Variants in SRC observed in about 807,000 individuals in gnomAD.
SRC encodes the protein SRC proto-oncogene, non-receptor tyrosine kinase.
A neutral mutation model predicts 62.9 loss-of-function variants in SRC; 13 were observed. The observed-to-expected ratio is 0.21, with a 90% CI of 0.13 to 0.33. The LOEUF is 0.33. Among genes scored for constraint, SRC ranks in the 10% least tolerant of loss-of-function variants. SRC has a pLI of 1.00. For missense variants in SRC, 457 were observed against 737.3 expected, an observed-to-expected ratio of 0.62 and a Z score of 4.40; for synonymous variants, 302 against 317.5, an observed-to-expected ratio of 0.95 and a Z score of 0.52.
intron 5 of SRC, 77 bp from the exon 6 acceptor site, chr20:37,393,818 C>A: frequency 8.8e-7 from 1 of 1,137,232 alleles, no homozygotes. Context: ...GAGCACAGCA[C>A]CTAGGAGGAT....
At chr20:37,400,062 T>G in intron 9 of SRC, 53 bp from the exon 10 acceptor site, 1 of 1,509,566 alleles carries the variant, frequency 6.6e-7, no homozygotes, top group South Asian at 1.3e-5. Flanking sequence ...TGGATCCCTG[T>G]GTGGTAGGAG....
intron 5 of SRC, chr20:37,393,681 C>A (rs903225477): frequency 3.6e-6 from 2 of 560,814 alleles, no homozygotes; most frequent in Non-Finnish European, 6.4e-6. Context: ...TCCATCTGAT[C>A]CAGCTTTGGC....
chr20:37,373,400 TATATACGC>T (rs2070223486), intron 2 of SRC, among the ~76,000 whole-genome samples: 1 of 151,330 alleles, frequency 6.6e-6, no homozygotes, highest in African/African-American at 2.4e-5. Flanking sequence ...TATATGCGTA[TATATACGC>T]ATATATACGC....
chr20:37,380,298 A>G (rs1323590797), intron 2 of SRC, among the ~76,000 whole-genome samples: 4 of 152,028 alleles, frequency 2.6e-5, no homozygotes, highest in Non-Finnish European at 5.9e-5. Flanking sequence ...GGGGCCTGTG[A>G]GTTTCAGCCC....
intron 1 of SRC, among the ~76,000 whole-genome samples, chr20:37,358,006 G>A (rs1053966541): frequency 6.6e-6 from 1 of 152,222 alleles, no homozygotes; most frequent in Non-Finnish European, 1.5e-5. Flanking sequence ...CCCCTGTGAC[G>A]ACTTTGGCCT....
At chr20:37,389,483 C>T (rs2070511157) in intron 5 of SRC, among the ~76,000 whole-genome samples, 1 of 152,196 alleles carries the variant, frequency 6.6e-6, no homozygotes, top group South Asian at 2.1e-4. Flanking sequence ...TGGCTTCACC[C>T]CTGCCTCGCT....
In SRC at chr20:37,384,586, C is replaced by T; in HGVS notation, c.250+183C>T. Among the ~76,000 whole-genome samples the T allele has an allele frequency of 6.6e-6, 1 of 151,836 alleles. No homozygotes were observed. The highest frequency in any genetic ancestry group is 1.5e-5 in the Non-Finnish European group (1 of 67,974). On this transcript the variant is annotated intron_variant, in intron 4 of 13. Transcript: ENST00000373578. The surrounding 1 kb of genome is among the most constrained non-coding windows in gnomAD (Gnocchi z 6.7). ...CCGTACACACTGTGAAGCGTCCGCGCCGCCGCCGCTGGCTTTGGGGTGGAG... is the reference window on the plus strand; with the variant it reads ...CCGTACACACTGTGAAGCGTCCGCGTCGCCGCCGCTGGCTTTGGGGTGGAG...
intron 7 of SRC, among the ~76,000 whole-genome samples, chr20:37,395,527 G>T (rs544077167): frequency 7.9e-5 from 12 of 152,338 alleles, no homozygotes; most frequent in African/African-American, 2.9e-4. Context: ...AAAGAGGGGA[G>T]GCACCAGGGC....
intron 1 of SRC, among the ~76,000 whole-genome samples, chr20:37,360,751 A>G (rs1175853426): frequency 4.6e-5 from 7 of 152,194 alleles, no homozygotes; most frequent in Admixed American, 4.6e-4. Context: ...CTTTTGACTG[A>G]TAGCAAACAC....
At chr20:37,366,122 A>T (rs1197756107) in intron 2 of SRC, among the ~76,000 whole-genome samples, 2 of 152,192 alleles carry the variant, frequency 1.3e-5, no homozygotes, top group African/African-American at 4.8e-5. Flanking sequence ...ACAAATGAAT[A>T]TCCTCAATCA....
At chr20:37,352,405 G>A (rs914626769) in intron 1 of SRC, among the ~76,000 whole-genome samples, 4 of 152,206 alleles carry the variant, frequency 2.6e-5, no homozygotes, top group Admixed American at 6.5e-5. Flanking sequence ...TGTTCTGTGG[G>A]GAAGGGAGTG....
At chr20:37,395,359 G>A (rs2070627185) in intron 7 of SRC, among the ~76,000 whole-genome samples, 1 of 152,234 alleles carries the variant, frequency 6.6e-6, no homozygotes, top group South Asian at 2.1e-4. Context: ...CCAGGCTCCT[G>A]AGAAGGCCTG....
Position 37,403,615 on chromosome 20 carries a change from C to T in SRC, c.*236C>T, listed in dbSNP as rs1428770186. The stretch of plus-strand genomic sequence containing the variant: ...TGACTCTGTCCAGCTCCCGCTGTGG[C>T]CGCACGCCTCTCCCTGCACTCCCTC... On this transcript the variant is annotated 3_prime_UTR_variant, in exon 14 of 14. Coordinates refer to ENST00000373578, the MANE Select transcript of SRC (RefSeq NM_198291.3). This position sits in a 1 kb window ranked among gnomAD's most constrained non-coding sequence, Gnocchi z 7.1. 2 of 560,140 alleles carry T rather than the reference C, an allele frequency of 3.6e-6. No homozygotes were observed. The highest frequency in any genetic ancestry group is 6.4e-6 in the Non-Finnish European group (2 of 312,480). The allele number at this position is 560,140 out of a possible 1,614,324, so 34.7% of individuals were successfully genotyped here.
chr20:37,402,762 C>T lies in SRC; in HGVS notation c.1284C>T (p.Pro428=), dbSNP rs778792434. Residue 428 remains proline, a synonymous_variant, in exon 13 of 14, where the codon CCC becomes CCT. Coordinates refer to ENST00000373578, the MANE Select transcript of SRC (RefSeq NM_198291.3). This position sits in a 1 kb window ranked among gnomAD's most constrained non-coding sequence, Gnocchi z 6.2. ...TCGTTCCTGCAGGTGCCAAATTCCC[C>T]ATCAAGTGGACGGCTCCAGAAGCTG... ...EYTARQGAKF[P]IKWTAPEAAL... The T allele has an allele frequency of 6.2e-6, 10 of 1,612,508 alleles. 1 individual carries two copies. In the South Asian group the frequency reaches 6.6e-5, roughly 11 times the overall value.
At chr20:37,391,009 T>G (rs2070538756) in intron 5 of SRC, among the ~76,000 whole-genome samples, 2 of 152,180 alleles carry the variant, frequency 1.3e-5, no homozygotes, top group Non-Finnish European at 2.9e-5. Context: ...GTGGGCTGAC[T>G]CTGGGGAGCT....
chr20:37,358,496 T>C (rs1316113852), intron 1 of SRC, among the ~76,000 whole-genome samples: 1 of 152,220 alleles, frequency 6.6e-6, no homozygotes, highest in African/African-American at 2.4e-5. Context: ...AGGGTTTCCG[T>C]ACCGGGTGGT....
chr20:37,357,494 C>G (rs1440664252), intron 1 of SRC, among the ~76,000 whole-genome samples: 1 of 152,246 alleles, frequency 6.6e-6, no homozygotes, highest in African/African-American at 2.4e-5. Flanking sequence ...TTCTGACCCA[C>G]TGGTACCCAA....
At chr20:37,349,642 C>A (rs1056666623) in intron 1 of SRC, among the ~76,000 whole-genome samples, 1 of 152,206 alleles carries the variant, frequency 6.6e-6, no homozygotes, top group Admixed American at 6.5e-5. Context: ...GGTCACTCGG[C>A]CTCTCTGGGT....
rs1200312161 is a variant in SRC, at chr20:37,396,709, G to A, written c.703+398G>A. The A allele has an allele frequency of 3.5e-5, 7 of 202,018 alleles. No individual in the cohort carries two copies. Among genetic ancestry groups the A allele is most frequent in the Non-Finnish European group, 6.1e-5 (6 of 99,092 alleles). The allele number at this position is 202,018 out of a possible 1,614,324, so 12.5% of individuals were successfully genotyped here. On this transcript the variant is annotated intron_variant, in intron 8 of 13. Transcript: ENST00000373578. This position sits in a 1 kb window ranked among gnomAD's most constrained non-coding sequence, Gnocchi z 6.1. ...GGTTGCTGGGAGAGGAGGAGGGGGC[G>A]GCCAGATCGATTGCAGCAAAGAGGG...
Sources: allele counts gnomAD v4.1 joint callset (sites outside exome capture counted in the v4.1 genomes callset), GRCh38; gene constraint gnomAD v4.1.1; non-coding constraint Gnocchi (gnomAD v3.1); transcripts MANE v1.5; gene names NCBI Gene and HGNC (gene_info 2026-07-23, HGNC 2026-07-21).